MRPL4: variants seen among roughly 807,000 people sequenced by gnomAD.
MRPL4 encodes the protein mitochondrial ribosomal protein L4, also known as large ribosomal subunit protein uL4m.
MRPL4 carries 34 observed loss-of-function variants against 34.1 expected under a neutral mutation model. The ratio of observed to expected loss-of-function variants is 1.00; its 90% CI spans 0.76 to 1.33. MRPL4 has a LOEUF of 1.33. Ranked by LOEUF, MRPL4 falls within the 40% of genes most tolerant of loss-of-function variation. The pLI is 0.00. For synonymous variants in MRPL4, 196 were observed against 188.3 expected, an observed-to-expected ratio of 1.04 and a Z score of -0.33; for missense variants, 402 against 434.6, an observed-to-expected ratio of 0.92 and a Z score of 0.67.
rs1029732476 is a variant in MRPL4, at chr19:10,259,993, T to G, written c.*180T>G. 3.1e-5 allele frequency: 15 copies of G among 488,280 alleles called. No homozygotes were observed. Among genetic ancestry groups the G allele is most frequent in the Middle Eastern group, 4.3e-4 (1 of 2,350 alleles). 30.2% of individuals were successfully genotyped at this position (488,280 alleles called of 1,614,324 possible). On this transcript the variant is annotated 3_prime_UTR_variant, in exon 9 of 9. Transcript: ENST00000253099. Reference sequence around the variant, plus strand: ...ACTCCACGGAAAGCCCAGACGGGCTTCTGCATCCATTCCCTCTTTTTGTTT... The same window carrying G: ...ACTCCACGGAAAGCCCAGACGGGCTGCTGCATCCATTCCCTCTTTTTGTTT...
chr19:10,252,286 C>G lies in MRPL4; in HGVS notation c.33C>G (p.Ala11=), dbSNP rs753871663. ...AGTTCGTCCGGGCCGGGGCGCGGGCCTGGCTTCGGCCTACCGGCAGCCAGG... is the reference window on the plus strand; with the variant it reads ...AGTTCGTCCGGGCCGGGGCGCGGGCGTGGCTTCGGCCTACCGGCAGCCAGG... MLQFVRAGAR[A]WLRPTGSQGL... Residue 11 remains alanine (A), a synonymous_variant, in exon 1 of 9, where the codon GCC becomes GCG. Coordinates refer to ENST00000253099, the MANE Select transcript of MRPL4 (RefSeq NM_015956.3). 6.2e-6 allele frequency: 10 copies of G among 1,608,978 alleles called. No homozygotes were observed. The highest frequency in any genetic ancestry group is 2.2e-5 in the East Asian group (1 of 44,804).
rs775587542 is a variant in MRPL4, at chr19:10,259,800, C to T, written c.923C>T (p.Pro308Leu). ...GCTACCCAGGGCCCAGCGGCCACCC[C>T]GTACCACTGTTGATGTGAAGCACCT... ...PHATQGPAAT[P>L]YHC The change falls in exon 9 of 9, where the codon CCG (proline) becomes CTG (leucine). Residue 308 changes from proline (P) to leucine (L), a missense_variant. Physicochemically the swap from Pro to Leu is moderately conservative, Grantham distance 98. Transcript: ENST00000253099. 55 of 1,610,026 alleles carry T rather than the reference C, an allele frequency of 3.4e-5. No individual in the cohort carries two copies. The highest frequency in any genetic ancestry group is 1.6e-4 in the Middle Eastern group (1 of 6,072).
intron 7 of MRPL4, 35 bp downstream of exon 7, chr19:10,258,557 C>G (rs563617553): frequency 6.2e-7 from 1 of 1,614,108 alleles, no homozygotes; most frequent in Non-Finnish European, 8.5e-7. Flanking sequence ...GCAGGGGGCC[C>G]TGAGCTCCGT....
intron 4 of MRPL4, among the ~76,000 whole-genome samples, chr19:10,256,246 A>G (rs567511837): frequency 2.0e-5 from 3 of 152,124 alleles, no homozygotes; most frequent in Admixed American, 2.0e-4. Context: ...AGATCGCGCC[A>G]CTGCACTCCA....
At chr19:10,255,455 C>T (rs2039841192) in intron 4 of MRPL4, 1 of 152,664 alleles carries the variant, frequency 6.6e-6, no homozygotes, top group African/African-American at 2.4e-5. Context: ...GGACGTTCAA[C>T]CTTGGGTCTA....
At chr19:10,257,579 A>G (rs1044281170) in intron 5 of MRPL4, among the ~76,000 whole-genome samples, 1 of 151,996 alleles carries the variant, frequency 6.6e-6, no homozygotes, top group African/African-American at 2.4e-5. Flanking sequence ...CTGCATTTCC[A>G]AGGCCCAGGC....
Position 10,259,675 on chromosome 19 carries a change from C to A in MRPL4, c.798C>A (p.Val266=). The A allele has an allele frequency of 6.2e-7, 1 of 1,612,946 alleles. No homozygotes were observed. The highest frequency in any genetic ancestry group is 8.5e-7 in the Non-Finnish European group (1 of 1,179,698). Residue 266 remains valine, a synonymous_variant, in exon 9 of 9, where the codon GTC becomes GTA. Transcript: ENST00000253099. ...HQTLVLTLPT[V]AFLEDKLLWQ... Reference sequence around the variant, plus strand: ...CGCTGGTCCTGACGCTGCCCACCGTCGCCTTCCTGGAGGACAAGCTGCTCT... The same window carrying A: ...CGCTGGTCCTGACGCTGCCCACCGTAGCCTTCCTGGAGGACAAGCTGCTCT...
chr19:10,254,959 C>T (rs1329552584), intron 4 of MRPL4: 3 of 180,092 alleles, frequency 1.7e-5, no homozygotes, highest in African/African-American at 4.7e-5. Flanking sequence ...TGTGCACCAC[C>T]ATGCAGGCTA....
chr19:10,258,974 C>A lies in MRPL4; in HGVS notation c.739+289C>A. On this transcript the variant is annotated intron_variant, in intron 8 of 8. Transcript: ENST00000253099. ...AAAAAGTTAGGCGTGGCGATGTGCA[C>A]CTGTAGTCCCAGCTACTCGGGGGCT... 5.7e-6 allele frequency: 8 copies of A among 1,410,512 alleles called. No homozygotes were observed. The African/African-American group carries it at 7.2e-5, about 13-fold the overall frequency. The allele number at this position is 1,410,512 out of a possible 1,614,324, so 87.4% of individuals were successfully genotyped here.
intron 8 of MRPL4, chr19:10,259,123 A>C (rs1208520557): frequency 1.3e-5 from 17 of 1,282,754 alleles, no homozygotes; most frequent in Non-Finnish European, 1.7e-5. Flanking sequence ...AAAAAAAAAA[A>C]AAGCTCCAAA....
Position 10,252,655 on chromosome 19 carries a change from G to C in MRPL4, c.229G>C (p.Val77Leu). Residue 77 changes from valine (V) to leucine (L), a missense_variant, in exon 3 of 9, where the codon GTG becomes CTG. Physicochemically the swap from Val to Leu is conservative, Grantham distance 32. Transcript: ENST00000253099. ...CTTGCGGGGCTTCGAGCAGGAGCGCGTGGGCCTGGCCGACCTGCACCCCGA... is the reference window on the plus strand; with the variant it reads ...CTTGCGGGGCTTCGAGCAGGAGCGCCTGGGCCTGGCCGACCTGCACCCCGA... ...ESLRGFEQER[V>L]GLADLHPDVF... 6.2e-7 allele frequency: 1 copy of C among 1,608,120 alleles called. No individual in the cohort carries two copies. Among genetic ancestry groups the C allele is most frequent in the Non-Finnish European group, 8.5e-7 (1 of 1,179,854 alleles).
At chr19:10,256,945 C>A in intron 5 of MRPL4, 120 bp downstream of exon 5, 2 of 766,062 alleles carry the variant, frequency 2.6e-6, no homozygotes, top group Non-Finnish European at 3.9e-6. Context: ...GTTCCCTCCA[C>A]CTCATGGAAC....
intron 5 of MRPL4, 41 bp downstream of exon 5, chr19:10,256,866 G>GGGGGGGGGGGGGGGGGGGGGGCC: frequency 3.2e-5 from 12 of 378,354 alleles, no homozygotes; most frequent in East Asian, 1.2e-4. Flanking sequence ...GGGTGGGGGG[G>GGGGGGGGGGGGGGGGGGGGGGCC]CCAGGGAAGG....
Position 10,259,585 on chromosome 19 carries a change from G to A in MRPL4, c.740-32G>A, listed in dbSNP as rs768735279. 6.8e-4 allele frequency: 1,001 copies of A among 1,474,004 alleles called. 5 individuals carry two copies. The highest frequency in any genetic ancestry group is 4.1e-3 in the African/African-American group (270 of 65,812). 91.3% of individuals were successfully genotyped at this position (1,474,004 alleles called of 1,614,324 possible). A position where few individuals can be genotyped will look rare whatever the true frequency, so the allele number is the denominator to read the frequency against. ...GGAGAGAGGCAGCCCCGGCCTGACC[G>A]GCCCCCCGCCCCGCCCCCACCCCGC... On this transcript the variant is annotated intron_variant, in intron 8 of 8. Transcript: ENST00000253099.
Position 10,258,343 on chromosome 19 carries a change from G to C in MRPL4, c.552+15G>C, listed in dbSNP as rs778296825. 9 of 1,613,794 alleles carry C rather than the reference G, an allele frequency of 5.6e-6. No homozygotes were observed. The highest frequency in any genetic ancestry group is 6.8e-6 in the Non-Finnish European group (8 of 1,179,904). On this transcript the variant is annotated intron_variant, in intron 6 of 8. Coordinates refer to ENST00000253099, the MANE Select transcript of MRPL4 (RefSeq NM_015956.3). ...AGCTGGCCCAGGTACAGCCATGGGG[G>C]GGCCCAGACAGCTGCTAGAGGTGGG...
rs1014656826 is a variant in MRPL4, at chr19:10,252,265, C to T, written c.12C>T (p.Phe4=). Residue 4 remains phenylalanine, a synonymous_variant, in exon 1 of 9, where the codon TTC becomes TTT. Coordinates refer to ENST00000253099, the MANE Select transcript of MRPL4 (RefSeq NM_015956.3). ...GAGGCTGCGCGGCGATGCTGCAGTT[C>T]GTCCGGGCCGGGGCGCGGGCCTGGC... is the stretch of plus-strand genomic sequence containing the variant. MLQ[F]VRAGARAWLR... The T allele has an allele frequency of 5.6e-6, 9 of 1,606,932 alleles. No homozygotes were observed. Among genetic ancestry groups the T allele is most frequent in the South Asian group, 5.5e-5 (5 of 90,886 alleles).
At chr19:10,253,462 C>T (rs568096381) in intron 3 of MRPL4, among the ~76,000 whole-genome samples, 1 of 111,068 alleles carries the variant, frequency 9.0e-6, no homozygotes, top group Non-Finnish European at 1.8e-5. Context: ...CTGGGCAACA[C>T]TCTGTCTCAA....
chr19:10,257,151 A>G (rs2039860115), intron 5 of MRPL4, among the ~76,000 whole-genome samples: 1 of 151,862 alleles, frequency 6.6e-6, no homozygotes, highest in Admixed American at 6.6e-5. Flanking sequence ...AGCTCTTCTA[A>G]ATCGTGGAAC....
chr19:10,259,280 G>C, intron 8 of MRPL4: 1 of 1,361,110 alleles, frequency 7.3e-7, no homozygotes, highest in Non-Finnish European at 9.4e-7. Context: ...AGGGTGGCAC[G>C]TCAGGCCCTG....
Sources: gnomAD v4.1 joint callset for allele counts (sites outside exome capture counted in the v4.1 genomes callset) on GRCh38, gnomAD v4.1.1 for gene constraint, MANE v1.5 for transcripts, NCBI Gene and HGNC (gene_info 2026-07-23, HGNC 2026-07-21) for gene names.